The following PDZRN4 variants were observed in gnomAD, a reference collection of about 807,000 sequenced individuals.
PDZRN4 encodes PDZ domain containing ring finger 4, also known as PDZ domain-containing RING finger protein 4.
In PDZRN4, 70 loss-of-function variants were observed where a neutral mutation model predicts 99.0. The ratio of observed to expected loss-of-function variants is 0.71; its 90% CI spans 0.58 to 0.86. The LOEUF is 0.86. PDZRN4 is among the 40% of genes least tolerant of loss of function. PDZRN4 has a pLI of 0.00. For missense variants in PDZRN4, 1,474 were observed against 1,331.2 expected (o/e 1.11, Z -1.67); for synonymous variants, 551 against 501.6 (o/e 1.10, Z -1.32).
intron 9 of PDZRN4, among the ~76,000 whole-genome samples, chr12:41,571,517 C>A (rs1020415297): frequency 1.3e-5 from 2 of 151,776 alleles, no homozygotes; most frequent in African/African-American, 2.4e-5. Context: ...TTTCATGGGA[C>A]TGAATTTTTA....
chr12:41,189,930 C>T (rs1861319643), intron 1 of PDZRN4, among the ~76,000 whole-genome samples: 1 of 152,162 alleles, frequency 6.6e-6, no homozygotes. Flanking sequence ...GCTCCTGGTC[C>T]TCCCGCCGGC....
intron 3 of PDZRN4, among the ~76,000 whole-genome samples, chr12:41,386,174 AAG>A (rs1178583343): frequency 6.6e-6 from 1 of 152,200 alleles, no homozygotes; most frequent in Non-Finnish European, 1.5e-5. Flanking sequence ...TCAAAATAAT[AAG>A]AGCCATCTAT....
chr12:41,458,828 G>A (rs907245690), intron 3 of PDZRN4, among the ~76,000 whole-genome samples: 1 of 152,160 alleles, frequency 6.6e-6, no homozygotes, highest in African/African-American at 2.4e-5. Context: ...GGCAGTGAAG[G>A]GAAGCCAGGC....
chr12:41,477,805 C>T, intron 3 of PDZRN4: 1 of 936,996 alleles, frequency 1.1e-6, no homozygotes, highest in Non-Finnish European at 1.7e-6. Context: ...CTTTACCATG[C>T]ATGTGGTAAT....
intron 6 of PDZRN4, among the ~76,000 whole-genome samples, 196 bp downstream of exon 6, chr12:41,552,950 A>C (rs1279010549): frequency 6.6e-6 from 1 of 152,212 alleles, no homozygotes; most frequent in Non-Finnish European, 1.5e-5. Flanking sequence ...GAGCTTGTTT[A>C]ATGTGAATAC....
At chr12:41,463,153 G>A (rs1420561646) in intron 3 of PDZRN4, among the ~76,000 whole-genome samples, 1 of 152,174 alleles carries the variant, frequency 6.6e-6, no homozygotes, top group Non-Finnish European at 1.5e-5. Flanking sequence ...GCAAAGCTGT[G>A]ATCAAACCCA....
intron 3 of PDZRN4, 150 bp from the exon 4 acceptor site, chr12:41,506,306 C>T (rs573593392): frequency 1.6e-6 from 1 of 616,772 alleles, no homozygotes; most frequent in Admixed American, 3.4e-5. Context: ...TTGGTAAAGA[C>T]TTCAGTAAAT....
intron 3 of PDZRN4, among the ~76,000 whole-genome samples, chr12:41,418,113 A>G (rs377120720): frequency 1.5e-3 from 233 of 152,310 alleles, no homozygotes; most frequent in African/African-American, 4.5e-3. Context: ...TCCTGCTTCT[A>G]TGAGCATCTT....
At chr12:41,525,689 T>A (rs1201329006) in intron 5 of PDZRN4, among the ~76,000 whole-genome samples, 2 of 152,092 alleles carry the variant, frequency 1.3e-5, no homozygotes, top group Non-Finnish European at 2.9e-5. Flanking sequence ...TAGTAGAGAA[T>A]ATTTATGAAG....
chr12:41,477,233 G>C (rs1173557746), intron 3 of PDZRN4, among the ~76,000 whole-genome samples: 2 of 152,130 alleles, frequency 1.3e-5, no homozygotes, highest in Non-Finnish European at 2.9e-5. Flanking sequence ...ATTCCATAAG[G>C]ACACTTCAGA....
chr12:41,466,751 GTT>G (rs61259671), intron 3 of PDZRN4, among the ~76,000 whole-genome samples: 72 of 122,140 alleles, frequency 5.9e-4, no homozygotes, highest in African/African-American at 1.6e-3. Flanking sequence ...TATTTCCAGT[GTT>G]TTTTTTTTTT....
intron 3 of PDZRN4, among the ~76,000 whole-genome samples, chr12:41,392,567 G>A (rs1952217239): frequency 1.3e-5 from 2 of 152,118 alleles, no homozygotes; most frequent in South Asian, 2.1e-4. Flanking sequence ...GTGGACTTGT[G>A]TTCACACCAT....
intron 3 of PDZRN4, among the ~76,000 whole-genome samples, chr12:41,268,402 C>A (rs1951293111): frequency 2.0e-5 from 3 of 152,150 alleles, no homozygotes. Flanking sequence ...CTGCAAATAA[C>A]AAAAGAAGCA....
At chr12:41,440,982 T>A (rs1952676084) in intron 3 of PDZRN4, among the ~76,000 whole-genome samples, 1 of 152,152 alleles carries the variant, frequency 6.6e-6, no homozygotes, top group Admixed American at 6.6e-5. Context: ...AATAACAGAT[T>A]TATTTCTGAG....
intron 3 of PDZRN4, among the ~76,000 whole-genome samples, chr12:41,493,708 G>A (rs535694908): frequency 7.9e-5 from 12 of 152,130 alleles, no homozygotes; most frequent in African/African-American, 2.9e-4. Flanking sequence ...TTGTGTCCAC[G>A]AAGGTAAAAG....
chr12:41,554,561 C>G (rs1939111636), intron 6 of PDZRN4, among the ~76,000 whole-genome samples: 1 of 151,394 alleles, frequency 6.6e-6, no homozygotes, highest in Non-Finnish European at 1.5e-5. Context: ...ACACTTGAAA[C>G]AGTTTGCTTA....
chr12:41,283,485 G>A (rs970497004), intron 3 of PDZRN4, among the ~76,000 whole-genome samples: 1 of 152,168 alleles, frequency 6.6e-6, no homozygotes, highest in Non-Finnish European at 1.5e-5. Context: ...AACAGAAAAT[G>A]AGGGAATCCT....
At chr12:41,245,182 G>C (rs1021155550) in intron 3 of PDZRN4, among the ~76,000 whole-genome samples, 1 of 151,958 alleles carries the variant, frequency 6.6e-6, no homozygotes, top group Admixed American at 6.6e-5. Flanking sequence ...TATATATATT[G>C]GTTTATTACA....
intron 2 of PDZRN4, among the ~76,000 whole-genome samples, chr12:41,192,207 G>C (rs756156503): frequency 6.6e-5 from 10 of 151,248 alleles, no homozygotes; most frequent in Non-Finnish European, 1.2e-4. Context: ...TGGTTCAATT[G>C]ATTCTCCTGC....
Sources: allele counts gnomAD v4.1 joint callset (sites outside exome capture counted in the v4.1 genomes callset), GRCh38; gene constraint gnomAD v4.1.1; transcripts MANE v1.5; gene names NCBI Gene and HGNC (gene_info 2026-07-23, HGNC 2026-07-21).